The following ACCSL variants were observed in gnomAD, a reference collection of about 807,000 sequenced individuals.
The protein encoded by ACCSL is 1-aminocyclopropane-1-carboxylate synthase homolog (inactive) like, also known as probable inactive 1-aminocyclopropane-1-carboxylate synthase-like protein 2.
In ACCSL, 55 loss-of-function variants were observed where a neutral mutation model predicts 61.7. The observed-to-expected ratio is 0.89, with a 90% CI of 0.72 to 1.12. The LOEUF (loss-of-function observed/expected upper bound fraction) is 1.12. Ranked by LOEUF, ACCSL falls within the 50% of genes most tolerant of loss-of-function variation. ACCSL has a pLI of 0.00. For synonymous variants in ACCSL, 258 were observed against 264.3 expected (o/e 0.98, Z 0.23); for missense variants, 632 against 698.0 (o/e 0.91, Z 1.07).
At chr11:44,051,043 AT>A (rs1411246004) in intron 3 of ACCSL, among the ~76,000 whole-genome samples, 1 of 152,020 alleles carries the variant, frequency 6.6e-6, no homozygotes, top group East Asian at 1.9e-4. Flanking sequence ...GGGTTTCACC[AT>A]GTTTGCCAGC....
chr11:43,943,278 C>A, the ACCSL span: 18 of 1,483,068 alleles, frequency 1.2e-5, no homozygotes, highest in East Asian at 3.8e-4. This position sits in a 1 kb window ranked among gnomAD's most constrained non-coding sequence, Gnocchi z 4.8. Flanking sequence ...CTGTAAGGGG[C>A]GCCGCCCGCG....
chr11:44,056,536 T>C (rs1406643348), intron 11 of ACCSL, among the ~76,000 whole-genome samples: 1 of 152,108 alleles, frequency 6.6e-6, no homozygotes, highest in Non-Finnish European at 1.5e-5. Context: ...GGTGCTGTTT[T>C]AAAATACAGG....
chr11:44,017,609 G>A, the ACCSL span, among the ~76,000 whole-genome samples: 1 of 152,166 alleles, frequency 6.6e-6, no homozygotes, highest in Admixed American at 6.5e-5. Context: ...TGAGAAGAGT[G>A]CAGCCAGACA....
At chr11:44,055,982 C>G in intron 9 of ACCSL, 58 bp from the exon 10 acceptor site, 1 of 1,603,788 alleles carries the variant, frequency 6.2e-7, no homozygotes, top group Non-Finnish European at 8.5e-7. Context: ...TCTTATACCC[C>G]AAATCTTCAT....
At chr11:43,959,670 T>C in the ACCSL span, among the ~76,000 whole-genome samples, 1 of 152,316 alleles carries the variant, frequency 6.6e-6, no homozygotes, top group South Asian at 2.1e-4. Context: ...TCCCCTCTCC[T>C]TCCCTGAGGG....
the ACCSL span, among the ~76,000 whole-genome samples, chr11:43,998,415 ACCAGAG>A: frequency 3.9e-5 from 6 of 151,914 alleles, no homozygotes; most frequent in South Asian, 2.1e-4. Context: ...TCATGAAAAA[ACCAGAG>A]CCTTTGTGAC....
chr11:43,961,793 C>T, the ACCSL span, among the ~76,000 whole-genome samples: 3 of 152,050 alleles, frequency 2.0e-5, no homozygotes, highest in Non-Finnish European at 4.4e-5. Flanking sequence ...AACATAAGGC[C>T]GATTCACACT....
the ACCSL span, among the ~76,000 whole-genome samples, chr11:44,025,530 G>A: frequency 6.6e-6 from 1 of 152,020 alleles, no homozygotes; most frequent in South Asian, 2.1e-4. Flanking sequence ...GACTGTAACA[G>A]TTTTGTAATT....
chr11:43,964,982 A>G, the ACCSL span, among the ~76,000 whole-genome samples: 2 of 152,254 alleles, frequency 1.3e-5, no homozygotes, highest in Admixed American at 6.5e-5. Flanking sequence ...CCCGTAGCTA[A>G]CATCAAACTC....
the ACCSL span, chr11:43,943,830 G>C: frequency 7.7e-7 from 1 of 1,298,604 alleles, no homozygotes; most frequent in Non-Finnish European, 1.0e-6. The surrounding 1 kb of genome is among the most constrained non-coding windows in gnomAD (Gnocchi z 4.8). Context: ...ACCTGGATAT[G>C]TCTGTGAGGC....
chr11:43,924,114 G>A, the ACCSL span, among the ~76,000 whole-genome samples: 2 of 152,226 alleles, frequency 1.3e-5, no homozygotes, highest in East Asian at 3.8e-4. Flanking sequence ...AGCTTACAGA[G>A]TAACTACTCC....
the ACCSL span, among the ~76,000 whole-genome samples, chr11:44,035,474 T>C: frequency 6.6e-6 from 1 of 152,062 alleles, no homozygotes; most frequent in African/African-American, 2.4e-5. Flanking sequence ...ATGTAAACAG[T>C]AAACAAGTAA....
At chr11:43,997,042 C>T in the ACCSL span, among the ~76,000 whole-genome samples, 1 of 151,938 alleles carries the variant, frequency 6.6e-6, no homozygotes, top group African/African-American at 2.4e-5. Context: ...AACTCCCGAC[C>T]TCAGGTGATC....
chr11:43,927,280 G>GTGTTGA, the ACCSL span, among the ~76,000 whole-genome samples: 1 of 152,176 alleles, frequency 6.6e-6, no homozygotes, highest in East Asian at 1.9e-4. Flanking sequence ...ATGGTGGTTG[G>GTGTTGA]TGTTGATGCT....
At chr11:44,024,189 T>A in the ACCSL span, among the ~76,000 whole-genome samples, 1 of 152,146 alleles carries the variant, frequency 6.6e-6, no homozygotes, top group African/African-American at 2.4e-5. Flanking sequence ...GGATTCACTT[T>A]TTTGCTTCCT....
At chr11:43,984,800 C>T in the ACCSL span, among the ~76,000 whole-genome samples, 1 of 152,212 alleles carries the variant, frequency 6.6e-6, no homozygotes, top group African/African-American at 2.4e-5. Flanking sequence ...CAGCCTTGCC[C>T]AGCAGAGGGG....
chr11:43,955,646 G>A, the ACCSL span, among the ~76,000 whole-genome samples: 3 of 152,168 alleles, frequency 2.0e-5, no homozygotes, highest in Non-Finnish European at 4.4e-5. Flanking sequence ...AAGGTGAGTC[G>A]GGTGGAGCTA....
chr11:44,049,965 A>G, intron 1 of ACCSL, 97 bp from the exon 2 acceptor site: 1 of 1,514,566 alleles, frequency 6.6e-7, no homozygotes, highest in Non-Finnish European at 9.1e-7. Context: ...GAATTGCCTC[A>G]TAGGCAGTGA....
chr11:44,043,986 G>C (rs1952586944), upstream of ACCSL, among the ~76,000 whole-genome samples: 1 of 152,138 alleles, frequency 6.6e-6, no homozygotes, highest in Admixed American at 6.6e-5. Context: ...TGTCTGTGCT[G>C]GTGGTTTTAG....
Sources: allele counts gnomAD v4.1 joint callset (sites outside exome capture counted in the v4.1 genomes callset), GRCh38; gene constraint gnomAD v4.1.1; non-coding constraint Gnocchi (gnomAD v3.1); transcripts MANE v1.5; gene names NCBI Gene and HGNC (gene_info 2026-07-23, HGNC 2026-07-21).